FADS2: variants seen among roughly 807,000 people sequenced by gnomAD.
FADS2 encodes fatty acid desaturase 2.
FADS2 carries 18 observed loss-of-function variants against 61.2 expected under a neutral mutation model. The ratio of observed to expected loss-of-function variants is 0.29; its 90% CI spans 0.20 to 0.44. The LOEUF is 0.44. Ranked by LOEUF, FADS2 falls within the 20% of genes least tolerant of loss-of-function variation. FADS2 has a pLI of 1.00. For missense variants in FADS2, 322 were observed against 572.7 expected (o/e 0.56, Z 4.47); for synonymous variants, 203 against 223.9 (o/e 0.91, Z 0.83).
At chr11:61,824,429 AGAGAGGGAGGGAGG>A (rs2067056678), upstream of FADS2, among the ~76,000 whole-genome samples, 2 of 7,522 alleles carry the variant, frequency 2.7e-4, no homozygotes, top group Non-Finnish European at 3.6e-4. Context: ...AGAGAGAGAG[AGAGAGGGAGGGAGG>A]GAGGGAGGGA....
chr11:61,826,263 A>G (rs1329573858), upstream of FADS2: 1 of 702,378 alleles, frequency 1.4e-6, no homozygotes, highest in Non-Finnish European at 2.6e-6. Context: ...TCTTCAACAC[A>G]TGTTTTTATG....
At chr11:61,817,795 C>G (rs2067000109) in intron 1 of FADS2, among the ~76,000 whole-genome samples, 1 of 152,150 alleles carries the variant, frequency 6.6e-6, no homozygotes, top group South Asian at 2.1e-4. Context: ...CTGAAGAGAC[C>G]CAGAGTTTAG....
intron 1 of FADS2, among the ~76,000 whole-genome samples, chr11:61,835,511 A>C (rs1303098409): frequency 6.6e-6 from 1 of 150,816 alleles, no homozygotes; most frequent in Non-Finnish European, 1.5e-5. Context: ...TCCCTGCCTC[A>C]ACCTCCCAAG....
At chr11:61,848,767 G>C (rs941710896) in intron 5 of FADS2, 3 of 163,902 alleles carry the variant, frequency 1.8e-5, no homozygotes, top group Non-Finnish European at 4.0e-5. Context: ...CTCATGTTGA[G>C]AAAACCTTAT....
chr11:61,852,415 C>A (rs1187715187), intron 5 of FADS2, among the ~76,000 whole-genome samples: 1 of 152,082 alleles, frequency 6.6e-6, no homozygotes, highest in East Asian at 1.9e-4. Context: ...CACCCGCCAC[C>A]ATGCCCGGCT....
At chr11:61,863,563 T>A (rs529570828) in intron 9 of FADS2, 144 bp from the exon 10 acceptor site, 1 of 778,742 alleles carries the variant, frequency 1.3e-6, no homozygotes, top group African/African-American at 1.7e-5. Context: ...AGGTGGGGCA[T>A]CTGGGTGGGC....
chr11:61,817,212 CG>C (rs1274050313), intron 1 of FADS2: 2 of 162,354 alleles, frequency 1.2e-5, no homozygotes, highest in African/African-American at 5.1e-5. Flanking sequence ...TGGGCGGGGC[CG>C]GGGTTGAGGT....
In FADS2 at chr11:61,865,106, T is replaced by A. The variant is rs2067455792; in HGVS notation, c.1158-46T>A. The stretch of plus-strand genomic sequence containing the variant: ...GTGGTGGGAGGAAGCGGGAGCAGCA[T>A]GGCCCTCTGAGTCCTCACGCTCTGC... On this transcript the variant is annotated intron_variant, in intron 10 of 11. Transcript: ENST00000278840. The surrounding 1 kb of genome is among the most constrained non-coding windows in gnomAD (Gnocchi z 4.1). 6.3e-7 allele frequency: 1 copy of A among 1,586,684 alleles called. No individual in the cohort carries two copies. The highest frequency in any genetic ancestry group is 2.3e-5 in the East Asian group (1 of 44,342).
intron 5 of FADS2, among the ~76,000 whole-genome samples, chr11:61,850,697 A>T: frequency 6.6e-6 from 1 of 152,274 alleles, no homozygotes; most frequent in East Asian, 1.9e-4. Flanking sequence ...TTGGAAATAC[A>T]TTAATGATTA....
upstream of FADS2, among the ~76,000 whole-genome samples, chr11:61,824,952 G>A (rs1042304717): frequency 1.2e-4 from 18 of 152,180 alleles, no homozygotes; most frequent in African/African-American, 4.1e-4. Flanking sequence ...CAGCACTTTG[G>A]GAGGCTGAGG....
intron 1 of FADS2, among the ~76,000 whole-genome samples, chr11:61,822,070 C>T (rs896835164): frequency 4.6e-5 from 7 of 152,000 alleles, no homozygotes; most frequent in African/African-American, 7.2e-5. Context: ...CCAGGGCTCA[C>T]GCCATTCTCC....
intron 1 of FADS2, among the ~76,000 whole-genome samples, chr11:61,817,962 C>T (rs891935357): frequency 5.3e-5 from 8 of 152,104 alleles, no homozygotes; most frequent in Non-Finnish European, 1.0e-4. Flanking sequence ...AAACTGAGCC[C>T]GGGGGAGGTT....
intron 5 of FADS2, chr11:61,848,593 A>G (rs1302982108): frequency 6.1e-6 from 2 of 328,950 alleles, no homozygotes; most frequent in Non-Finnish European, 1.2e-5. Flanking sequence ...TCACCTGTAA[A>G]TACAGACACA....
chr11:61,864,103 A>C (rs2067441294), intron 10 of FADS2: 6 of 325,958 alleles, frequency 1.8e-5, no homozygotes, highest in Non-Finnish European at 3.4e-5. Context: ...TGAGGCTAGC[A>C]GGGCAGGGCT....
intron 5 of FADS2, among the ~76,000 whole-genome samples, chr11:61,851,887 A>G (rs2067310206): frequency 6.6e-6 from 1 of 152,262 alleles, no homozygotes; most frequent in African/African-American, 2.4e-5. Flanking sequence ...GTAGCAAAGT[A>G]TATTCACTTT....
At chr11:61,844,696 A>C (rs945621666) in intron 4 of FADS2, among the ~76,000 whole-genome samples, 2 of 151,932 alleles carry the variant, frequency 1.3e-5, no homozygotes, top group Non-Finnish European at 2.9e-5. Flanking sequence ...GAGGTTGAGG[A>C]GGGCAGATCA....
At chr11:61,844,156 A>G (rs369881462) in intron 4 of FADS2, among the ~76,000 whole-genome samples, 1 of 152,240 alleles carries the variant, frequency 6.6e-6, no homozygotes, top group South Asian at 2.1e-4. Context: ...ATATTTAACA[A>G]TGAAGAAGTT....
Position 61,840,427 on chromosome 11 carries a change from G to A in FADS2, c.412G>A (p.Ala138Thr). 6.2e-7 allele frequency: 1 copy of A among 1,614,120 alleles called. No individual in the cohort carries two copies. The highest frequency in any genetic ancestry group is 8.5e-7 in the Non-Finnish European group (1 of 1,180,008). The change falls in exon 3 of 12, where the codon GCC becomes ACC. Residue 138 changes from alanine to threonine, a missense_variant. Physicochemically the swap from Ala to Thr is moderately conservative, Grantham distance 58 (BLOSUM62 0). This residue lies in a region of FADS2 where 221 missense variants were observed against 427.9 expected (regional missense o/e 0.52). Coordinates refer to ENST00000278840, the MANE Select transcript of FADS2 (RefSeq NM_004265.4). Reference sequence around the variant, plus strand: ...CCACGTGTTCTTCCTCCTCCTCCTGGCCCACATCATCGCCCTGGAGAGCAT... The same window carrying A: ...CCACGTGTTCTTCCTCCTCCTCCTGACCCACATCATCGCCCTGGAGAGCAT... ...TNHVFFLLLL[A>T]HIIALESIAW...
rs374255130 is a variant in FADS2 at position 61,865,791 on chromosome 11, T to G, written c.*102T>G. 7.2e-6 allele frequency: 7 copies of G among 968,268 alleles called. No individual in the cohort carries two copies. The South Asian group carries it at 8.5e-5, about 12-fold the overall frequency. 60.0% of individuals were successfully genotyped at this position (968,268 alleles called of 1,614,324 possible). On this transcript the variant is annotated 3_prime_UTR_variant, in exon 12 of 12. Coordinates refer to ENST00000278840, the MANE Select transcript of FADS2 (RefSeq NM_004265.4). The surrounding 1 kb of genome is among the most constrained non-coding windows in gnomAD (Gnocchi z 4.1). Reference sequence around the variant, plus strand: ...GAGGGGTGTCCGAGAGGCTGGTGTATGCACTGCTCACGGACCCCATGTTGG... The same window carrying G: ...GAGGGGTGTCCGAGAGGCTGGTGTAGGCACTGCTCACGGACCCCATGTTGG...
Sources: allele counts gnomAD v4.1 joint callset (sites outside exome capture counted in the v4.1 genomes callset), GRCh38; gene constraint gnomAD v4.1.1; regional missense constraint gnomAD v4.1.1; non-coding constraint Gnocchi (gnomAD v3.1); transcripts MANE v1.5; gene names NCBI Gene and HGNC (gene_info 2026-07-23, HGNC 2026-07-21).